Variants in KEL observed in about 807,000 individuals in gnomAD.
KEL encodes the protein kell blood group glycoprotein.
KEL carries 96 observed loss-of-function variants against 99.5 expected under a neutral mutation model. The observed-to-expected ratio is 0.97, with a 90% CI of 0.82 to 1.14. The LOEUF (loss-of-function observed/expected upper bound fraction) is 1.14, where lower values mean the gene tolerates loss of function less well. Ranked by LOEUF, KEL falls within the 50% of genes most tolerant of loss-of-function variation. The pLI is 0.00. For synonymous variants in KEL, 355 were observed against 354.8 expected (o/e 1.00, Z -0.01); for missense variants, 926 against 924.2 (o/e 1.00, Z -0.03).
At chr7:142,958,640 C>T (rs1424956249) in intron 4 of KEL, among the ~76,000 whole-genome samples, 1 of 152,192 alleles carries the variant, frequency 6.6e-6, no homozygotes, top group African/African-American at 2.4e-5. Context: ...TACCCCAAAA[C>T]ATGTTTCTTT....
At chr7:142,955,444 T>A (rs1261349471) in intron 6 of KEL, among the ~76,000 whole-genome samples, 1 of 152,170 alleles carries the variant, frequency 6.6e-6, no homozygotes, top group African/African-American at 2.4e-5. Flanking sequence ...AAAAGCATAA[T>A]CTTTTTTCAA....
rs1796979039 is a variant in KEL, at chr7:142,962,271, G to A, written c.-65C>T. 1.3e-6 allele frequency: 2 copies of A among 1,599,418 alleles called. No individual in the cohort carries two copies. The highest frequency in any genetic ancestry group is 1.7e-5 in the Admixed American group (1 of 59,984). On this transcript the variant is annotated 5_prime_UTR_variant, in exon 1 of 19. Coordinates refer to ENST00000355265, the MANE Select transcript of KEL (RefSeq NM_000420.3). Reference sequence around the variant, plus strand: ...ACTCTAGGAGCTGATTCGGAGGACTGGGGTCCAGGAAACACCCCCCGCCCC... The same window carrying A: ...ACTCTAGGAGCTGATTCGGAGGACTAGGGTCCAGGAAACACCCCCCGCCCC...
chr7:142,947,564 A>T (rs1796566340), intron 10 of KEL, among the ~76,000 whole-genome samples: 1 of 151,962 alleles, frequency 6.6e-6, no homozygotes, highest in Non-Finnish European at 1.5e-5. Flanking sequence ...TTTTATTTTT[A>T]TTTTGTAACA....
In KEL at chr7:142,942,384, G is replaced by A; in HGVS notation, c.2037+50C>T. 2.4e-6 allele frequency: 3 copies of A among 1,263,294 alleles called. 1 individual carries two copies. Among genetic ancestry groups the A allele is most frequent in the South Asian group, 2.5e-5 (2 of 78,650 alleles). The allele number at this position is 1,263,294 out of a possible 1,614,324, so 78.3% of individuals were successfully genotyped here. On this transcript the variant is annotated intron_variant, in intron 18 of 18. Coordinates refer to ENST00000355265, the MANE Select transcript of KEL (RefSeq NM_000420.3). The stretch of plus-strand genomic sequence containing the variant: ...GACTTCCATGAGCTTCAGTAATAAG[G>A]CGTTCAACTGACATAAAGCAAGCTG...
chr7:142,951,028 C>CCA (rs1394013853), intron 10 of KEL, among the ~76,000 whole-genome samples: 1 of 152,184 alleles, frequency 6.6e-6, no homozygotes, highest in African/African-American at 2.4e-5. Context: ...AGTGACTACT[C>CCA]CATGTATAGC....
intron 10 of KEL, among the ~76,000 whole-genome samples, chr7:142,951,499 T>C (rs1054333389): frequency 2.6e-5 from 4 of 152,106 alleles, no homozygotes; most frequent in African/African-American, 9.7e-5. Flanking sequence ...AGGGTTCAAA[T>C]CCTCACCCCA....
intron 6 of KEL, among the ~76,000 whole-genome samples, chr7:142,957,335 G>C (rs536449260): frequency 2.0e-5 from 3 of 152,120 alleles, no homozygotes; most frequent in Non-Finnish European, 2.9e-5. Flanking sequence ...AGGAATGTAC[G>C]GGAGATAAGG....
At chr7:142,957,726 G>C in intron 6 of KEL, 101 bp downstream of exon 6, 1 of 1,418,668 alleles carries the variant, frequency 7.0e-7, no homozygotes. Flanking sequence ...ATATCACACA[G>C]GTGTCCTCTC....
Position 142,962,353 on chromosome 7 carries a change from C to T in KEL, c.-147G>A, listed in dbSNP as rs990248716. The T allele has an allele frequency of 5.5e-5, 50 of 901,208 alleles. No homozygotes were observed. In the Middle Eastern group the frequency reaches 1.3e-3, roughly 23 times the overall value. The allele number at this position is 901,208 out of a possible 1,614,324, so 55.8% of individuals were successfully genotyped here. A position where few individuals can be genotyped will look rare whatever the true frequency, so the allele number is the denominator to read the frequency against. Reference sequence around the variant, plus strand: ...GCTGCTCTTTCGCCTTGTCCCCAGACACACAGGACTGGCCTCTGGGTGGAG... The same window carrying T: ...GCTGCTCTTTCGCCTTGTCCCCAGATACACAGGACTGGCCTCTGGGTGGAG... On this transcript the variant is annotated 5_prime_UTR_variant, in exon 1 of 19. Transcript: ENST00000355265.
chr7:142,960,626 T>C (rs190241240), intron 4 of KEL, among the ~76,000 whole-genome samples: 11 of 151,882 alleles, frequency 7.2e-5, no homozygotes, highest in African/African-American at 2.4e-4. Flanking sequence ...TATGGATACA[T>C]GGAGAAGCAA....
chr7:142,958,004 A>C, intron 5 of KEL, 31 bp from the exon 6 acceptor site: 2 of 1,608,866 alleles, frequency 1.2e-6, no homozygotes, highest in South Asian at 2.2e-5. Context: ...GCTGAGCATA[A>C]GGATCCGTGG....
intron 2 of KEL, 53 bp from the exon 3 acceptor site, chr7:142,961,554 G>T: frequency 6.5e-7 from 1 of 1,548,056 alleles, no homozygotes; most frequent in Non-Finnish European, 8.8e-7. Context: ...GAGAGACAGG[G>T]ATGGGAAGAA....
At chr7:142,943,699 T>C in intron 14 of KEL, 84 bp downstream of exon 14, 1 of 1,470,738 alleles carries the variant, frequency 6.8e-7, no homozygotes, top group Non-Finnish European at 9.5e-7. Context: ...TCATGCTGCC[T>C]GCCCTGAGCC....
intron 17 of KEL, 125 bp from the exon 18 acceptor site, chr7:142,942,654 A>C: frequency 1.1e-6 from 1 of 879,670 alleles, no homozygotes; most frequent in Non-Finnish European, 1.8e-6. Flanking sequence ...AGTTGATCTG[A>C]GCCAGAAGAA....
chr7:142,955,736 G>A (rs1796815057), intron 6 of KEL, among the ~76,000 whole-genome samples: 4 of 151,556 alleles, frequency 2.6e-5, no homozygotes, highest in Non-Finnish European at 2.9e-5. Context: ...TTTTCCTTCT[G>A]TCTCGAAAAA....
intron 10 of KEL, among the ~76,000 whole-genome samples, chr7:142,948,197 A>G (rs1309901607): frequency 6.6e-6 from 1 of 152,164 alleles, no homozygotes; most frequent in African/African-American, 2.4e-5. Context: ...ACCTCAGACC[A>G]CTACTACAGC....
At chr7:142,958,215 A>G in intron 5 of KEL, 89 bp downstream of exon 5, 1 of 1,592,702 alleles carries the variant, frequency 6.3e-7, no homozygotes, top group Non-Finnish European at 8.6e-7. Flanking sequence ...AAGAAGACCC[A>G]CCCTCTAGAA....
chr7:142,953,149 G>A (rs575114283), intron 9 of KEL, among the ~76,000 whole-genome samples: 2 of 152,244 alleles, frequency 1.3e-5, no homozygotes, highest in East Asian at 3.9e-4. Context: ...TTAGGTCCAA[G>A]CCCCTGGAAG....
rs1796486304 is a variant in KEL at position 142,945,014 on chromosome 7, G to A, written c.1315-273C>T. 3 of 539,422 alleles carry A rather than the reference G, an allele frequency of 5.6e-6. No homozygotes were observed. The Admixed American group carries it at 9.4e-5, about 17-fold the overall frequency. 33.4% of individuals were successfully genotyped at this position (539,422 alleles called of 1,614,324 possible). A position where few individuals can be genotyped will look rare whatever the true frequency, so the allele number is the denominator to read the frequency against. On this transcript the variant is annotated intron_variant, in intron 11 of 18. Coordinates refer to ENST00000355265, the MANE Select transcript of KEL (RefSeq NM_000420.3). Reference sequence around the variant, plus strand: ...TTCCATGGGGAAATAGCCTGACACAGGAGAAAGACAGTGTCCTCACTCCTG... The same window carrying A: ...TTCCATGGGGAAATAGCCTGACACAAGAGAAAGACAGTGTCCTCACTCCTG...
Sources: gnomAD v4.1 joint callset for allele counts (sites outside exome capture counted in the v4.1 genomes callset) on GRCh38, gnomAD v4.1.1 for gene constraint, MANE v1.5 for transcripts, NCBI Gene and HGNC (gene_info 2026-07-23, HGNC 2026-07-21) for gene names.